Variants in TRIB2 observed in about 807,000 individuals in gnomAD.
The protein encoded by TRIB2 is tribbles pseudokinase 2.
TRIB2 carries 2 observed loss-of-function variants against 26.8 expected under a neutral mutation model. That is an observed-to-expected ratio of 0.07 (90% CI 0.03 to 0.24). TRIB2 has a LOEUF of 0.24. Ranked by LOEUF, TRIB2 falls within the 10% of genes least tolerant of loss-of-function variation. The probability of loss-of-function intolerance (pLI) is 1.00; values close to 1 mark genes in which losing one functional copy is unlikely to be tolerated. For synonymous variants in TRIB2, 189 were observed against 187.3 expected (o/e 1.01, Z -0.08); for missense variants, 306 against 449.0 (o/e 0.68, Z 2.88).
chr2:12,724,173 A>G (rs1041525497), intron 2 of TRIB2, among the ~76,000 whole-genome samples: 4 of 152,200 alleles, frequency 2.6e-5, no homozygotes, highest in African/African-American at 9.7e-5. Context: ...TTTTGGAGCC[A>G]AGACTCGAAA....
chr2:12,720,227 A>G (rs1661175067), intron 1 of TRIB2, among the ~76,000 whole-genome samples: 1 of 152,202 alleles, frequency 6.6e-6, no homozygotes, highest in East Asian at 1.9e-4. Context: ...TGCAAGACAT[A>G]TTTCACTTTG....
At chr2:12,726,041 C>T (rs1661334513) in intron 2 of TRIB2, among the ~76,000 whole-genome samples, 1 of 152,226 alleles carries the variant, frequency 6.6e-6, no homozygotes, top group African/African-American at 2.4e-5. Flanking sequence ...CCTGTCATTC[C>T]ATCGAGAGCT....
In TRIB2 at chr2:12,718,167, C is replaced by A; in HGVS notation, c.-141C>A. 2.5e-6 allele frequency: 3 copies of A among 1,183,442 alleles called. No homozygotes were observed. The highest frequency in any genetic ancestry group is 3.5e-6 in the Non-Finnish European group (3 of 869,136). The allele number at this position is 1,183,442 out of a possible 1,614,324, so 73.3% of individuals were successfully genotyped here. On this transcript the variant is annotated 5_prime_UTR_variant, in exon 1 of 3. Transcript: ENST00000155926. This position sits in a 1 kb window ranked among gnomAD's most constrained non-coding sequence, Gnocchi z 4.0. ...CCCATTTGGGGGCTTCTAACTCTTT[C>A]TCCACGCAGCCCCTCTTCTGTCCCC... is the stretch of plus-strand genomic sequence containing the variant.
intron 2 of TRIB2, among the ~76,000 whole-genome samples, chr2:12,726,672 C>T (rs190444542): frequency 2.5e-4 from 38 of 152,342 alleles, no homozygotes; most frequent in Admixed American, 6.5e-4. Flanking sequence ...ATTGGTCCCA[C>T]GGTGAAAAAG....
intron 1 of TRIB2, among the ~76,000 whole-genome samples, chr2:12,722,722 C>G (rs1451371225): frequency 2.0e-5 from 3 of 152,190 alleles, no homozygotes; most frequent in Non-Finnish European, 4.4e-5. Flanking sequence ...GCCTCAGTTT[C>G]CATATCTGTA....
At chr2:12,721,921 T>C (rs1558314821) in intron 1 of TRIB2, among the ~76,000 whole-genome samples, 2 of 152,318 alleles carry the variant, frequency 1.3e-5, no homozygotes, top group East Asian at 3.9e-4. Flanking sequence ...ATGAATCCGG[T>C]ATCGTGCATG....
chr2:12,722,609 T>C (rs921527165), intron 1 of TRIB2, among the ~76,000 whole-genome samples: 7 of 152,214 alleles, frequency 4.6e-5, no homozygotes, highest in Admixed American at 1.3e-4. Context: ...TAGATATCTG[T>C]GGAGGGAAGA....
intron 2 of TRIB2, 55 bp downstream of exon 2, chr2:12,723,607 G>T: frequency 6.4e-7 from 1 of 1,553,698 alleles, no homozygotes; most frequent in Non-Finnish European, 8.7e-7. Flanking sequence ...CCTAACAACA[G>T]CTTCCTAGAA....
chr2:12,739,960 C>T (rs980923862), intron 2 of TRIB2, among the ~76,000 whole-genome samples: 2 of 152,080 alleles, frequency 1.3e-5, no homozygotes, highest in South Asian at 2.1e-4. Flanking sequence ...TTCTGTGGTG[C>T]CCTATCATTA....
chr2:12,728,334 C>T (rs1425422485), intron 2 of TRIB2, among the ~76,000 whole-genome samples: 2 of 152,244 alleles, frequency 1.3e-5, no homozygotes, highest in African/African-American at 4.8e-5. Context: ...CCTCTGCACT[C>T]AGTGTCACTC....
At chr2:12,719,925 C>G (rs1018089237) in intron 1 of TRIB2, among the ~76,000 whole-genome samples, 1 of 152,180 alleles carries the variant, frequency 6.6e-6, no homozygotes, top group Non-Finnish European at 1.5e-5. Context: ...AATTCAGTAG[C>G]TGGATTGAAT....
chr2:12,736,792 T>A (rs11687168), intron 2 of TRIB2, among the ~76,000 whole-genome samples: 51,617 of 152,054 alleles, frequency 0.34, 10,334 homozygotes, highest in East Asian at 0.74. Flanking sequence ...GAGGTGATCA[T>A]CCCAAAATGA....
At chr2:12,722,865 G>A (rs974117494) in intron 1 of TRIB2, among the ~76,000 whole-genome samples, 5 of 152,128 alleles carry the variant, frequency 3.3e-5, no homozygotes, top group Non-Finnish European at 7.4e-5. Context: ...AAGTGTTGTT[G>A]ATGTCATTGA....
intron 2 of TRIB2, chr2:12,724,720 C>T: frequency 6.2e-7 from 1 of 1,612,844 alleles, no homozygotes; most frequent in East Asian, 2.2e-5. Context: ...CTGTTTCCAC[C>T]CTCCCCCTAC....
At position 12,732,077 on chromosome 2, in the gene TRIB2, C is replaced by T. The variant is rs190623285; in HGVS notation, c.564-8249C>T. 4.1e-3 allele frequency among the ~76,000 whole-genome samples: 626 copies of T among 152,270 alleles called. 3 individuals are homozygous for T. Among genetic ancestry groups the T allele is most frequent in the African/African-American group, 0.014 (595 of 41,556 alleles). On this transcript the variant is annotated intron_variant, in intron 2 of 2. Transcript: ENST00000155926. The surrounding 1 kb of genome is among the most constrained non-coding windows in gnomAD (Gnocchi z 4.2). Reference sequence around the variant, plus strand: ...TGGGTTTCCCTTTCTGTTCCTATGGCGACAGGATGGACTTCCTCTGTGAAG... The same window carrying T: ...TGGGTTTCCCTTTCTGTTCCTATGGTGACAGGATGGACTTCCTCTGTGAAG...
chr2:12,738,446 T>C (rs1572486128), intron 2 of TRIB2, among the ~76,000 whole-genome samples: 7 of 152,304 alleles, frequency 4.6e-5, no homozygotes, highest in Admixed American at 4.6e-4. Flanking sequence ...ACAGCCCTTG[T>C]GGATGCTGTC....
Position 12,718,339 on chromosome 2 carries a change from T to C in TRIB2, c.32T>C (p.Ile11Thr), listed in dbSNP as rs1238814895. 1 of 1,613,892 alleles carries C rather than the reference T, an allele frequency of 6.2e-7. No homozygotes were observed. Among genetic ancestry groups the C allele is most frequent in the Non-Finnish European group, 8.5e-7 (1 of 1,179,968 alleles). Residue 11 changes from isoleucine (I) to threonine (T), a missense_variant, in exon 1 of 3, where the codon ATA (isoleucine) becomes ACA (threonine). Physicochemically the swap from Ile to Thr is moderately conservative, Grantham distance 89. Transcript: ENST00000155926. This position sits in a 1 kb window ranked among gnomAD's most constrained non-coding sequence, Gnocchi z 4.0. ...ATACACAGGTCTACCCCCATCACAATAGCGAGATATGGGAGATCGCGGAAC... is the reference window on the plus strand; with the variant it reads ...ATACACAGGTCTACCCCCATCACAACAGCGAGATATGGGAGATCGCGGAAC... MNIHRSTPIT[I>T]ARYGRSRNKT... is the part of the protein sequence containing the mutation.
intron 2 of TRIB2, chr2:12,724,633 C>T (rs1223050678): frequency 6.2e-7 from 1 of 1,612,126 alleles, no homozygotes; most frequent in Admixed American, 1.7e-5. Flanking sequence ...GCTCAGATGC[C>T]TCTGCCCCTG....
At chr2:12,724,762 G>GTA in intron 2 of TRIB2, 1 of 1,612,736 alleles carries the variant, frequency 6.2e-7, no homozygotes, top group Non-Finnish European at 8.5e-7. Context: ...GTTACCTTCT[G>GTA]TATGCTGTAT....
Sources: allele counts gnomAD v4.1 joint callset (sites outside exome capture counted in the v4.1 genomes callset), GRCh38; gene constraint gnomAD v4.1.1; non-coding constraint Gnocchi (gnomAD v3.1); transcripts MANE v1.5; gene names NCBI Gene and HGNC (gene_info 2026-07-23, HGNC 2026-07-21).